The following TMEM245 variants were observed in gnomAD, a reference collection of about 807,000 sequenced individuals.
The protein encoded by TMEM245 is transmembrane protein 245.
A neutral mutation model predicts 101.2 loss-of-function variants in TMEM245; 69 were observed. That is an observed-to-expected ratio of 0.68 (90% CI 0.56 to 0.83). The LOEUF (loss-of-function observed/expected upper bound fraction) is 0.83, where lower values mean the gene tolerates loss of function less well. TMEM245 is among the 40% of genes least tolerant of loss of function. The probability of loss-of-function intolerance (pLI) is 0.00; values close to 1 mark genes in which losing one functional copy is unlikely to be tolerated. For missense variants in TMEM245, 1,075 were observed against 1,092.8 expected (o/e 0.98, Z 0.23); for synonymous variants, 537 against 449.8 (o/e 1.19, Z -2.45).
chr9:109,097,385 G>A (rs1287634930), intron 3 of TMEM245, among the ~76,000 whole-genome samples: 1 of 152,204 alleles, frequency 6.6e-6, no homozygotes, highest in African/African-American at 2.4e-5. Context: ...TAAGAATGCA[G>A]AGGGAGGTTG....
chr9:109,038,273 A>G, intron 14 of TMEM245, 156 bp from the exon 15 acceptor site: 1 of 494,216 alleles, frequency 2.0e-6, no homozygotes, highest in Non-Finnish European at 3.6e-6. Context: ...AGAAACATAA[A>G]CACCTTACTT....
At chr9:109,033,156 G>A (rs1355871785) in intron 17 of TMEM245, 151 bp downstream of exon 17, 13 of 868,858 alleles carry the variant, frequency 1.5e-5, no homozygotes, top group Non-Finnish European at 2.0e-5. Flanking sequence ...CCAACGATTT[G>A]TATTTACTTA....
intron 15 of TMEM245, among the ~76,000 whole-genome samples, 171 bp downstream of exon 15, chr9:109,037,846 T>G (rs1302201387): frequency 6.6e-6 from 1 of 152,160 alleles, no homozygotes; most frequent in Non-Finnish European, 1.5e-5. Flanking sequence ...GATACAGCAA[T>G]AAACAAACAC....
intron 12 of TMEM245, among the ~76,000 whole-genome samples, chr9:109,054,209 T>C (rs1828770284): frequency 6.6e-6 from 1 of 152,106 alleles, no homozygotes; most frequent in Non-Finnish European, 1.5e-5. Context: ...TGTATGCCTG[T>C]AGTCCCAGCT....
rs1830831886 is a variant in TMEM245 at position 109,119,442 on chromosome 9, G to A, written c.472C>T (p.Leu158Phe). ...CCGAGGCAGTAGAGGCCGTACAGGA[G>A]CGGGCCGCCGGCGCCGAGCAGCAGG... is the stretch of plus-strand genomic sequence containing the variant. ...LLLLLGAGGP[L>F]LYGLYCLGSY... Residue 158 changes from leucine to phenylalanine, a missense_variant, in exon 1 of 18, where the codon CTC (leucine) becomes TTC (phenylalanine). Coordinates refer to ENST00000374586, the MANE Select transcript of TMEM245 (RefSeq NM_032012.4). 40 of 1,508,726 alleles carry A rather than the reference G, an allele frequency of 2.7e-5. No homozygotes were observed. The highest frequency in any genetic ancestry group is 3.4e-5 in the Non-Finnish European group (39 of 1,135,628). 93.5% of individuals were successfully genotyped at this position (1,508,726 alleles called of 1,614,324 possible).
intron 1 of TMEM245, among the ~76,000 whole-genome samples, chr9:109,111,947 GA>G (rs1233533737): frequency 2.6e-5 from 4 of 152,138 alleles, no homozygotes; most frequent in Non-Finnish European, 5.9e-5. Flanking sequence ...TTTATAAACA[GA>G]AAAAGAAGTA....
intron 1 of TMEM245, among the ~76,000 whole-genome samples, chr9:109,118,172 A>C (rs930165994): frequency 1.3e-5 from 2 of 152,240 alleles, no homozygotes; most frequent in African/African-American, 4.8e-5. Flanking sequence ...ACAAAGCCCA[A>C]CACCTAACAT....
At chr9:109,065,536 T>C (rs1349115279) in intron 9 of TMEM245, among the ~76,000 whole-genome samples, 1 of 152,160 alleles carries the variant, frequency 6.6e-6, no homozygotes, top group Non-Finnish European at 1.5e-5. Flanking sequence ...CTGAGCAAAG[T>C]TCCAACTATG....
intron 9 of TMEM245, among the ~76,000 whole-genome samples, chr9:109,068,369 CAA>C (rs34301291): frequency 1.4e-3 from 143 of 102,940 alleles, no homozygotes; most frequent in Admixed American, 2.2e-3. Context: ...GACACCATCT[CAA>C]AAAAAAAAAA....
At chr9:109,075,192 T>C (rs188519647) in intron 8 of TMEM245, among the ~76,000 whole-genome samples, 1 of 152,346 alleles carries the variant, frequency 6.6e-6, no homozygotes, top group East Asian at 1.9e-4. Context: ...AACTGTTGGA[T>C]GTTAAACGGG....
intron 7 of TMEM245, among the ~76,000 whole-genome samples, chr9:109,084,060 C>CA (rs1422596918): frequency 1.4e-5 from 2 of 146,428 alleles, no homozygotes; most frequent in African/African-American, 5.1e-5. Context: ...GCCTGGGTGA[C>CA]AGAGTGAGAT....
intron 3 of TMEM245, among the ~76,000 whole-genome samples, chr9:109,099,955 A>G (rs935477387): frequency 6.6e-6 from 1 of 152,220 alleles, no homozygotes; most frequent in Non-Finnish European, 1.5e-5. Flanking sequence ...TACAGCAAGA[A>G]GATCCTCACC....
intron 3 of TMEM245, 99 bp from the exon 4 acceptor site, chr9:109,093,690 TG>T: frequency 2.2e-6 from 2 of 927,276 alleles, no homozygotes; most frequent in Non-Finnish European, 3.5e-6. Context: ...CAAAATAAAA[TG>T]GTTACTACTG....
intron 9 of TMEM245, among the ~76,000 whole-genome samples, chr9:109,069,149 A>C (rs1197813250): frequency 1.3e-5 from 2 of 152,212 alleles, no homozygotes; most frequent in African/African-American, 4.8e-5. Flanking sequence ...CAAAATTTCA[A>C]ACAAAAGACA....
At chr9:109,066,270 A>G (rs1181640656) in intron 9 of TMEM245, among the ~76,000 whole-genome samples, 1 of 152,008 alleles carries the variant, frequency 6.6e-6, no homozygotes, top group Non-Finnish European at 1.5e-5. Context: ...CCTGGCCAAC[A>G]AGGCAAAACC....
At chr9:109,052,552 T>C (rs944866868) in intron 12 of TMEM245, among the ~76,000 whole-genome samples, 2 of 152,244 alleles carry the variant, frequency 1.3e-5, no homozygotes, top group Non-Finnish European at 2.9e-5. Flanking sequence ...TTTGTTGCCC[T>C]TGGCATTTCT....
intron 1 of TMEM245, among the ~76,000 whole-genome samples, chr9:109,114,567 A>G (rs1830659390): frequency 6.6e-6 from 1 of 152,210 alleles, no homozygotes; most frequent in African/African-American, 2.4e-5. Flanking sequence ...AGGTGTTTTT[A>G]TCTTTCAGCC....
intron 15 of TMEM245, 116 bp from the exon 16 acceptor site, chr9:109,036,496 C>A: frequency 2.0e-6 from 2 of 1,001,770 alleles, no homozygotes; most frequent in South Asian, 2.1e-5. Flanking sequence ...GTTAAATACT[C>A]ACAAACTCAA....
intron 17 of TMEM245, among the ~76,000 whole-genome samples, chr9:109,028,026 C>T (rs1339570430): frequency 1.3e-5 from 2 of 151,990 alleles, no homozygotes; most frequent in African/African-American, 2.4e-5. Context: ...ACCTTCAATA[C>T]CTGATATTGT....
Sources: gnomAD v4.1 joint callset for allele counts (sites outside exome capture counted in the v4.1 genomes callset) on GRCh38, gnomAD v4.1.1 for gene constraint, MANE v1.5 for transcripts, NCBI Gene and HGNC (gene_info 2026-07-23, HGNC 2026-07-21) for gene names.